NFIA: variants seen among roughly 807,000 people sequenced by gnomAD.
The protein encoded by NFIA is nuclear factor I A, also known as nuclear factor 1 A-type.
Under a neutral mutation model 62.8 loss-of-function variants are expected in NFIA, and 8 were observed. The ratio of observed to expected loss-of-function variants is 0.13; its 90% CI spans 0.07 to 0.23. The LOEUF is 0.23. Ranked by LOEUF, NFIA falls within the 10% of genes least tolerant of loss-of-function variation. The probability of loss-of-function intolerance (pLI) is 1.00; values close to 1 mark genes in which losing one functional copy is unlikely to be tolerated. For missense variants in NFIA, 410 were observed against 642.1 expected, an observed-to-expected ratio of 0.64 and a Z score of 3.91; for synonymous variants, 235 against 238.1, an observed-to-expected ratio of 0.99 and a Z score of 0.12.
chr1:61,372,920 A>C (rs1219542422), intron 6 of NFIA, among the ~76,000 whole-genome samples: 2 of 152,208 alleles, frequency 1.3e-5, no homozygotes, highest in Non-Finnish European at 2.9e-5. Context: ...TGCATTAAAT[A>C]AGAGCTGAAG....
chr1:61,385,235 T>C (rs1664617914), intron 7 of NFIA, among the ~76,000 whole-genome samples: 1 of 134,162 alleles, frequency 7.5e-6, no homozygotes, highest in African/African-American at 2.8e-5. Flanking sequence ...AGACTCCATC[T>C]CAAAAAAAAA....
chr1:61,359,973 A>G (rs2100444839), intron 6 of NFIA, among the ~76,000 whole-genome samples: 1 of 152,338 alleles, frequency 6.6e-6, no homozygotes, highest in South Asian at 2.1e-4. Flanking sequence ...CAACTTTTTC[A>G]GCAGGATCGA....
chr1:61,192,576 G>C lies in NFIA; in HGVS notation c.560-84944G>C, dbSNP rs575209373. Reference sequence around the variant, plus strand: ...AAATTAGCTGAGCGTGGTGGTGGGCGCCTGTAATCCCAGCTACTCAGGAGA... The same window carrying C: ...AAATTAGCTGAGCGTGGTGGTGGGCCCCTGTAATCCCAGCTACTCAGGAGA... On this transcript the variant is annotated intron_variant, in intron 2 of 10. Transcript: ENST00000403491. 1.6e-4 allele frequency among the ~76,000 whole-genome samples: 24 copies of C among 151,966 alleles called. 1 individual carries two copies. The highest frequency in any genetic ancestry group is 5.6e-4 in the African/African-American group (23 of 41,438).
chr1:61,141,195 T>C (rs961967083), intron 2 of NFIA, among the ~76,000 whole-genome samples: 1 of 152,150 alleles, frequency 6.6e-6, no homozygotes, highest in Non-Finnish European at 1.5e-5. Flanking sequence ...TCTGATGTGC[T>C]ACAAGATCGA....
chr1:61,236,155 C>T (rs546292047), intron 2 of NFIA, among the ~76,000 whole-genome samples: 1 of 147,766 alleles, frequency 6.8e-6, no homozygotes, highest in South Asian at 2.1e-4. Context: ...AAAAGTCCAT[C>T]TTAAAAAAAA....
intron 4 of NFIA, among the ~76,000 whole-genome samples, chr1:61,337,382 A>G (rs1213107996): frequency 6.6e-6 from 1 of 151,950 alleles, no homozygotes; most frequent in Non-Finnish European, 1.5e-5. Context: ...TTCTGCTTCC[A>G]TGGCAAAGAA....
At chr1:61,423,565 A>G (rs2474368) in intron 9 of NFIA, among the ~76,000 whole-genome samples, 17,059 of 152,236 alleles carry the variant, frequency 0.11, 1,874 homozygotes, top group African/African-American at 0.29. Context: ...ATATAATATC[A>G]TAGTATACAC....
chr1:61,156,102 C>T (rs2100528842), intron 2 of NFIA, among the ~76,000 whole-genome samples: 1 of 152,292 alleles, frequency 6.6e-6, no homozygotes, highest in Non-Finnish European at 1.5e-5. Flanking sequence ...CCATTGCGCT[C>T]CAGCCTGGGC....
In NFIA at chr1:61,370,594, A is replaced by G. The variant is rs144216792; in HGVS notation, c.946+11320A>G. Among the ~76,000 whole-genome samples the G allele has an allele frequency of 9.2e-5, 14 of 152,284 alleles. No individual in the cohort carries two copies. The East Asian group carries it at 2.7e-3, about 29-fold the overall frequency. On this transcript the variant is annotated intron_variant, in intron 6 of 10. Coordinates refer to ENST00000403491, the MANE Select transcript of NFIA (RefSeq NM_001134673.4). ...TATCACTGACCTCCCTTTCTTAACAATTAAAACCCCTCTGAAACCTTTGGG... is the reference window on the plus strand; with the variant it reads ...TATCACTGACCTCCCTTTCTTAACAGTTAAAACCCCTCTGAAACCTTTGGG...
At chr1:61,338,152 A>G (rs1237463191) in intron 4 of NFIA, among the ~76,000 whole-genome samples, 2 of 152,224 alleles carry the variant, frequency 1.3e-5, no homozygotes, top group Non-Finnish European at 2.9e-5. Context: ...TTGAAAAGCC[A>G]GGATTCTCAG....
At chr1:61,379,381 C>G (rs115855645) in intron 6 of NFIA, among the ~76,000 whole-genome samples, 3,143 of 149,352 alleles carry the variant, frequency 0.021, 94 homozygotes, top group African/African-American at 0.071. Flanking sequence ...TACCACCACA[C>G]TCAGCTAACT....
intron 2 of NFIA, among the ~76,000 whole-genome samples, chr1:61,107,019 G>A (rs1044172502): frequency 6.6e-6 from 1 of 150,892 alleles, no homozygotes; most frequent in African/African-American, 2.4e-5. Context: ...TCTACAATAT[G>A]TTCATAATGT....
At chr1:61,331,518 C>G (rs1197828539) in intron 3 of NFIA, among the ~76,000 whole-genome samples, 1 of 152,094 alleles carries the variant, frequency 6.6e-6, no homozygotes, top group Non-Finnish European at 1.5e-5. Context: ...TCTTTTATTG[C>G]ATTTTCTCAA....
Position 61,211,500 on chromosome 1 carries a change from C to T in NFIA, c.560-66020C>T, listed in dbSNP as rs148720752. Among the ~76,000 whole-genome samples the T allele has an allele frequency of 4.0e-4, 61 of 152,258 alleles. No individual in the cohort carries two copies. The East Asian group carries it at 0.012, about 29-fold the overall frequency. On this transcript the variant is annotated intron_variant, in intron 2 of 10. Transcript: ENST00000403491. ...CATGGATTATCTCATTTAATTGTCT[C>T]AACAACCTTTTAAGTCTTATATTTT...
intron 2 of NFIA, among the ~76,000 whole-genome samples, chr1:61,117,112 T>C (rs1646804983): frequency 6.6e-6 from 1 of 152,228 alleles, no homozygotes; most frequent in Non-Finnish European, 1.5e-5. Context: ...ATTAGTTTAA[T>C]TGTTCAATTT....
chr1:61,178,979 T>G (rs1650576791), intron 2 of NFIA, among the ~76,000 whole-genome samples: 1 of 152,216 alleles, frequency 6.6e-6, no homozygotes, highest in African/African-American at 2.4e-5. Context: ...ATTGTTTAAC[T>G]GAGAAGCAAC....
intron 2 of NFIA, among the ~76,000 whole-genome samples, chr1:61,105,233 CA>C (rs2100443165): frequency 1.3e-5 from 2 of 152,016 alleles, no homozygotes; most frequent in African/African-American, 4.8e-5. Flanking sequence ...AGGAGAAATA[CA>C]GTTTAGATGT....
intron 2 of NFIA, among the ~76,000 whole-genome samples, chr1:61,237,713 T>C (rs1271504995): frequency 2.0e-5 from 3 of 152,304 alleles, no homozygotes; most frequent in African/African-American, 7.2e-5. Context: ...ACTACATTCT[T>C]GTTTTCATTC....
chr1:61,243,595 T>C (rs1477439396), intron 2 of NFIA, among the ~76,000 whole-genome samples: 1 of 152,196 alleles, frequency 6.6e-6, no homozygotes, highest in Non-Finnish European at 1.5e-5. Context: ...TTCAGATGAC[T>C]AACGTTGTTG....
Sources: gnomAD v4.1 joint callset for allele counts (sites outside exome capture counted in the v4.1 genomes callset) on GRCh38, gnomAD v4.1.1 for gene constraint, MANE v1.5 for transcripts, NCBI Gene and HGNC (gene_info 2026-07-23, HGNC 2026-07-21) for gene names.